Variants in ADAMTSL1 observed in about 807,000 individuals in gnomAD.
ADAMTSL1 encodes ADAMTS-like protein 1.
In ADAMTSL1, 126 loss-of-function variants were observed where a neutral mutation model predicts 201.8. The observed-to-expected ratio is 0.62, with a 90% CI of 0.54 to 0.72. The LOEUF (loss-of-function observed/expected upper bound fraction) is 0.72, where lower values mean the gene tolerates loss of function less well. Among genes scored for constraint, ADAMTSL1 ranks in the 30% least tolerant of loss-of-function variants. ADAMTSL1 has a pLI of 0.00. For missense variants in ADAMTSL1, 2,679 were observed against 2,277.8 expected, an observed-to-expected ratio of 1.18 and a Z score of -3.59; for synonymous variants, 1,121 against 903.4, an observed-to-expected ratio of 1.24 and a Z score of -4.32.
At chr9:17,938,340 G>C (rs755041330) in intron 1 of ADAMTSL1, among the ~76,000 whole-genome samples, 10 of 152,066 alleles carry the variant, frequency 6.6e-5, no homozygotes, top group Admixed American at 1.3e-4. Context: ...CATGTAATTT[G>C]AGTCTTGAAA....
intron 2 of ADAMTSL1, among the ~76,000 whole-genome samples, chr9:18,222,759 C>T (rs905900549): frequency 5.3e-5 from 8 of 149,870 alleles, no homozygotes; most frequent in African/African-American, 1.7e-4. Context: ...ATAGAAAACT[C>T]TTACCATAAT....
intron 1 of ADAMTSL1, among the ~76,000 whole-genome samples, chr9:18,478,657 T>C (rs1821580580): frequency 3.3e-5 from 5 of 152,274 alleles, no homozygotes; most frequent in Admixed American, 2.6e-4. Context: ...TCAGTAAGCA[T>C]ATTCTACTGT....
chr9:17,957,004 T>A (rs1467190723), intron 1 of ADAMTSL1, among the ~76,000 whole-genome samples: 1 of 152,168 alleles, frequency 6.6e-6, no homozygotes. Flanking sequence ...TATAATGAAA[T>A]GGCATAGCTA....
At chr9:18,360,095 G>T (rs953097896) in intron 2 of ADAMTSL1, among the ~76,000 whole-genome samples, 1 of 152,084 alleles carries the variant, frequency 6.6e-6, no homozygotes, top group Non-Finnish European at 1.5e-5. Context: ...GTGAGGGGAA[G>T]TCAGATGTGG....
chr9:18,803,569 G>A (rs1343021470), intron 20 of ADAMTSL1, among the ~76,000 whole-genome samples: 1 of 152,028 alleles, frequency 6.6e-6, no homozygotes, highest in Non-Finnish European at 1.5e-5. Context: ...CTGTCTGAAG[G>A]GCACAGCTCA....
intron 23 of ADAMTSL1, among the ~76,000 whole-genome samples, chr9:18,875,780 TAGTTTA>T (rs1461080472): frequency 1.3e-5 from 2 of 152,196 alleles, no homozygotes; most frequent in African/African-American, 2.4e-5. Flanking sequence ...TTCTAGGTTA[TAGTTTA>T]AGTTTATTGT....
intron 1 of ADAMTSL1, among the ~76,000 whole-genome samples, chr9:17,918,495 A>C (rs1226021283): frequency 1.3e-5 from 2 of 151,896 alleles, no homozygotes. Flanking sequence ...ATTAGATGAC[A>C]CACTTTATGT....
rs1203560719 is a variant in ADAMTSL1, at chr9:18,910,442, G to GTGAT, written c.*1896_*1899dup. On this transcript the variant is annotated 3_prime_UTR_variant, in exon 29 of 29. Transcript: ENST00000380548. ...CAGTTGTGTTCCTGTAAACTCAGTA[G>GTGAT]TGATTATTATATTTTTCCTATTTTT... is the stretch of plus-strand genomic sequence containing the variant. The GTGAT allele has an allele frequency of 5.3e-5, 8 of 152,190 alleles. 1 individual carries two copies. Among genetic ancestry groups the GTGAT allele is most frequent in the South Asian group, 4.1e-4 (2 of 4,822 alleles). The allele number at this position is 152,190 out of a possible 1,614,324, so 9.4% of individuals were successfully genotyped here.
chr9:18,836,890 T>G (rs1825345403), intron 23 of ADAMTSL1, among the ~76,000 whole-genome samples: 1 of 152,220 alleles, frequency 6.6e-6, no homozygotes. Flanking sequence ...GGCATTGCAT[T>G]CTTGATTTGG....
intron 2 of ADAMTSL1, among the ~76,000 whole-genome samples, chr9:18,306,204 A>T (rs1342858804): frequency 6.6e-6 from 1 of 152,178 alleles, no homozygotes. Flanking sequence ...AACATCAAAG[A>T]CCAAAGGAAG....
At chr9:18,440,649 T>A (rs550039030) in intron 2 of ADAMTSL1, among the ~76,000 whole-genome samples, 19 of 151,586 alleles carry the variant, frequency 1.3e-4, no homozygotes, top group African/African-American at 4.6e-4. Context: ...AAATACTTCT[T>A]TTTTATAAGT....
intron 2 of ADAMTSL1, among the ~76,000 whole-genome samples, chr9:18,359,316 C>A (rs559343361): frequency 6.6e-6 from 1 of 152,260 alleles, no homozygotes; most frequent in Admixed American, 6.5e-5. Context: ...TTCCATTCTT[C>A]TGCCCCCAGA....
In ADAMTSL1 at chr9:18,615,709, G is replaced by C. The variant is rs192343491; in HGVS notation, c.475-6534G>C. 4.6e-3 allele frequency among the ~76,000 whole-genome samples: 704 copies of C among 152,246 alleles called. 3 individuals carry two copies. Among genetic ancestry groups the C allele is most frequent in the Non-Finnish European group, 5.9e-3 (399 of 68,010 alleles). On this transcript the variant is annotated intron_variant, in intron 4 of 28. Coordinates refer to ENST00000380548, the MANE Select transcript of ADAMTSL1 (RefSeq NM_001040272.6). ...AGTTAAATAATGTCTATGGATAATT[G>C]TCTAAAAGGTAGGCAACCAATTCCT...
At chr9:18,201,887 A>G (rs924618667) in intron 2 of ADAMTSL1, among the ~76,000 whole-genome samples, 2 of 152,086 alleles carry the variant, frequency 1.3e-5, no homozygotes, top group Non-Finnish European at 2.9e-5. Context: ...TTCATTGTGG[A>G]TGATATGTAT....
At position 18,563,091 on chromosome 9, in the gene ADAMTSL1, T is replaced by C. The variant is rs118103957; in HGVS notation, c.238-10939T>C. ...GGAGTTGTGATCCTTTGGAGAAGAG[T>C]CATTCTGGTTTTTGGAATTTTCAGC... On this transcript the variant is annotated intron_variant, in intron 3 of 28. Coordinates refer to ENST00000380548, the MANE Select transcript of ADAMTSL1 (RefSeq NM_001040272.6). Among the ~76,000 whole-genome samples, 783 of 152,204 alleles carry C rather than the reference T, an allele frequency of 5.1e-3. 8 individuals are homozygous for C. Among genetic ancestry groups the C allele is most frequent in the East Asian group, 0.048 (249 of 5,186 alleles).
chr9:18,208,425 T>C (rs992556194), intron 2 of ADAMTSL1, among the ~76,000 whole-genome samples: 1 of 152,170 alleles, frequency 6.6e-6, no homozygotes, highest in Admixed American at 6.5e-5. Context: ...GAGTTGCACC[T>C]GCAGCCCATG....
intron 1 of ADAMTSL1, among the ~76,000 whole-genome samples, chr9:18,113,952 G>T (rs545125819): frequency 6.6e-5 from 10 of 152,200 alleles, no homozygotes; most frequent in African/African-American, 2.2e-4. Context: ...GGGTAAAGCT[G>T]GGATTGCTCT....
chr9:18,838,419 G>A (rs1448379747), intron 23 of ADAMTSL1, among the ~76,000 whole-genome samples: 2 of 143,270 alleles, frequency 1.4e-5, no homozygotes, highest in Non-Finnish European at 3.0e-5. Flanking sequence ...ACCTAGAGGA[G>A]TAGAAATTGT....
chr9:18,820,212 G>A (rs566019650), intron 21 of ADAMTSL1, among the ~76,000 whole-genome samples: 6 of 151,818 alleles, frequency 4.0e-5, no homozygotes, highest in Non-Finnish European at 8.8e-5. Flanking sequence ...AGTTTTTTAT[G>A]GAGTATTTAA....
Sources: allele counts gnomAD v4.1 joint callset (sites outside exome capture counted in the v4.1 genomes callset), GRCh38; gene constraint gnomAD v4.1.1; transcripts MANE v1.5; gene names NCBI Gene and HGNC (gene_info 2026-07-23, HGNC 2026-07-21).